PCDH7: variants seen among roughly 807,000 people sequenced by gnomAD.
The protein encoded by PCDH7 is protocadherin 7.
A neutral mutation model predicts 58.9 loss-of-function variants in PCDH7; 17 were observed. The observed-to-expected ratio is 0.29, with a 90% CI of 0.20 to 0.43. The LOEUF (loss-of-function observed/expected upper bound fraction) is 0.43, where lower values mean the gene tolerates loss of function less well. PCDH7 is among the 20% of genes least tolerant of loss of function. The probability of loss-of-function intolerance (pLI) is 1.00; values close to 1 mark genes in which losing one functional copy is unlikely to be tolerated. For synonymous variants in PCDH7, 664 were observed against 616.4 expected (o/e 1.08, Z -1.14); for missense variants, 1,274 against 1,441.0 (o/e 0.88, Z 1.88).
chr4:31,131,279 G>T (rs1718951406), intron 3 of PCDH7, among the ~76,000 whole-genome samples: 1 of 152,080 alleles, frequency 6.6e-6, no homozygotes, highest in African/African-American at 2.4e-5. Context: ...AATGAGCAGG[G>T]AAAATCAATG....
intron 3 of PCDH7, among the ~76,000 whole-genome samples, chr4:31,049,161 C>T (rs1756541668): frequency 6.6e-6 from 1 of 152,042 alleles, no homozygotes; most frequent in African/African-American, 2.4e-5. Flanking sequence ...CCTCCCACCC[C>T]ACAACAGGCC....
chr4:31,008,778 G>A (rs1420014199), intron 3 of PCDH7, among the ~76,000 whole-genome samples: 1 of 152,034 alleles, frequency 6.6e-6, no homozygotes, highest in Non-Finnish European at 1.5e-5. Context: ...GTTTAGTAAA[G>A]TTTGTTTTAA....
chr4:30,730,888 A>G, exon 2 of PCDH7: 1 of 1,450,594 alleles, frequency 6.9e-7, no homozygotes, highest in Non-Finnish European at 9.1e-7. Context: ...GTGTCAGCCA[A>G]TCACTGCTTG....
intron 1 of PCDH7, among the ~76,000 whole-genome samples, chr4:30,907,920 A>G (rs1741190616): frequency 6.6e-6 from 1 of 152,232 alleles, no homozygotes; most frequent in South Asian, 2.1e-4. Context: ...CTATGCAGCC[A>G]TAAAAAGAAT....
intron 1 of PCDH7, among the ~76,000 whole-genome samples, chr4:30,766,592 G>A (rs1720780370): frequency 6.6e-6 from 1 of 151,502 alleles, no homozygotes; most frequent in African/African-American, 2.4e-5. Flanking sequence ...TGTATTTATA[G>A]GCATCATATA....
At chr4:30,863,106 T>G (rs1041403050) in intron 1 of PCDH7, among the ~76,000 whole-genome samples, 3 of 152,152 alleles carry the variant, frequency 2.0e-5, no homozygotes, top group Admixed American at 1.3e-4. Context: ...TCGTATGTGT[T>G]CCGGGATCAG....
intron 1 of PCDH7, among the ~76,000 whole-genome samples, chr4:30,875,719 G>T (rs551703824): frequency 5.3e-5 from 8 of 152,128 alleles, no homozygotes; most frequent in African/African-American, 1.7e-4. Flanking sequence ...ATCTGATTCC[G>T]TATTTGCTTT....
chr4:30,724,998 C>T, intron 1 of PCDH7: 1 of 1,015,914 alleles, frequency 9.8e-7, no homozygotes, highest in South Asian at 4.5e-5. Flanking sequence ...GAAAAAGTTT[C>T]TAAAGTTACT....
chr4:31,123,419 G>A (rs1216360206), intron 3 of PCDH7, among the ~76,000 whole-genome samples: 1 of 152,114 alleles, frequency 6.6e-6, no homozygotes, highest in East Asian at 1.9e-4. Flanking sequence ...TTCTGAAAGG[G>A]GTGGCTTGTT....
chr4:30,729,572 TC>T (rs1715179924), intron 1 of PCDH7, among the ~76,000 whole-genome samples: 1 of 152,018 alleles, frequency 6.6e-6, no homozygotes, highest in African/African-American at 2.4e-5. Context: ...ATAAGTTCCT[TC>T]CTAGCAATTA....
At chr4:30,888,598 A>C (rs2109380226) in intron 1 of PCDH7, among the ~76,000 whole-genome samples, 1 of 152,322 alleles carries the variant, frequency 6.6e-6, no homozygotes. Context: ...TATAGTATTA[A>C]GGGATTATTG....
At position 30,793,134 on chromosome 4, in the gene PCDH7, T is replaced by C. The variant is rs545082284; in HGVS notation, c.70+68538T>C. On this transcript the variant is annotated intron_variant, in intron 1 of 3. Coordinates refer to the PCDH7 transcript ENST00000509759. Reference sequence around the variant, plus strand: ...TCACATAAACGCCTTGCTATTTTGATTGAGAAGTTTGTGAAAATGTTTATG... The same window carrying C: ...TCACATAAACGCCTTGCTATTTTGACTGAGAAGTTTGTGAAAATGTTTATG... Among the ~76,000 whole-genome samples the C allele has an allele frequency of 2.6e-5, 4 of 152,232 alleles. No individual in the cohort carries two copies. The East Asian group carries it at 7.7e-4, about 29-fold the overall frequency.
Position 30,755,535 on chromosome 4 carries a change from A to C in PCDH7, c.70+30939A>C, listed in dbSNP as rs541437956. Among the ~76,000 whole-genome samples the C allele has an allele frequency of 2.0e-5, 3 of 152,266 alleles. No homozygotes were observed. The East Asian group carries it at 5.8e-4, about 29-fold the overall frequency. ...TCAACAAATACTTCTATAGCCACAA[A>C]GTAGTCCCAGACACTGTCCTGAGAG... On this transcript the variant is annotated intron_variant, in intron 1 of 3. Coordinates refer to the PCDH7 transcript ENST00000509759.
chr4:30,934,996 T>C (rs537451789), intron 2 of PCDH7, among the ~76,000 whole-genome samples: 16 of 152,218 alleles, frequency 1.1e-4, no homozygotes, highest in African/African-American at 3.4e-4. Flanking sequence ...GTTGGACATA[T>C]ATTTTTTGGA....
intron 3 of PCDH7, among the ~76,000 whole-genome samples, chr4:31,113,405 T>G (rs960038326): frequency 6.6e-6 from 1 of 152,232 alleles, no homozygotes; most frequent in Non-Finnish European, 1.5e-5. Flanking sequence ...TGGTGATACT[T>G]AAGTATTACA....
At chr4:30,747,669 G>T (rs1717952931) in intron 1 of PCDH7, among the ~76,000 whole-genome samples, 1 of 152,176 alleles carries the variant, frequency 6.6e-6, no homozygotes, top group Admixed American at 6.5e-5. Flanking sequence ...GATAATCCAA[G>T]ACAATTTTAT....
chr4:31,097,638 A>ATATC (rs370034723), intron 3 of PCDH7, among the ~76,000 whole-genome samples: 1 of 79,252 alleles, frequency 1.3e-5, no homozygotes, highest in African/African-American at 5.8e-5. Flanking sequence ...ATATATATAT[A>ATATC]AATCTTTTTT....
chr4:31,019,572 T>C (rs1210728967), intron 3 of PCDH7, among the ~76,000 whole-genome samples: 3 of 151,774 alleles, frequency 2.0e-5, no homozygotes, highest in African/African-American at 7.3e-5. Context: ...GGTGGATGCC[T>C]GTAATCCCAG....
At chr4:31,117,840 A>G (rs1475509386) in intron 3 of PCDH7, among the ~76,000 whole-genome samples, 1 of 152,172 alleles carries the variant, frequency 6.6e-6, no homozygotes, top group Non-Finnish European at 1.5e-5. Context: ...GGGGTTGTTA[A>G]GGAATTCTGT....
Sources: allele counts gnomAD v4.1 joint callset (sites outside exome capture counted in the v4.1 genomes callset), GRCh38; gene constraint gnomAD v4.1.1; transcripts MANE v1.5; gene names NCBI Gene and HGNC (gene_info 2026-07-23, HGNC 2026-07-21).